TRPC6: variants seen among roughly 807,000 people sequenced by gnomAD.
TRPC6 encodes the protein short transient receptor potential channel 6.
TRPC6 carries 55 observed loss-of-function variants against 90.7 expected under a neutral mutation model. That is an observed-to-expected ratio of 0.61 (90% CI 0.49 to 0.76). TRPC6 has a LOEUF of 0.76. TRPC6 is among the 30% of genes least tolerant of loss of function. The pLI is 0.00. For synonymous variants in TRPC6, 393 were observed against 393.0 expected (o/e 1.00, Z 0.00); for missense variants, 989 against 1,122.7 (o/e 0.88, Z 1.70).
chr11:101,463,245 G>A (rs928662225), intron 10 of TRPC6, among the ~76,000 whole-genome samples: 31 of 152,102 alleles, frequency 2.0e-4, no homozygotes, highest in East Asian at 5.8e-4. Context: ...ATCAATGTTC[G>A]TCAGGGATAT....
At chr11:101,541,149 G>A (rs1861161636) in intron 1 of TRPC6, among the ~76,000 whole-genome samples, 1 of 152,088 alleles carries the variant, frequency 6.6e-6, no homozygotes. Context: ...TGAGGCTAAA[G>A]GATTCTTTAG....
chr11:101,532,210 A>G (rs1384650318), intron 1 of TRPC6, among the ~76,000 whole-genome samples: 1 of 152,220 alleles, frequency 6.6e-6, no homozygotes, highest in East Asian at 1.9e-4. Context: ...AAAGGTCCCT[A>G]AAATTATATA....
chr11:101,504,324 C>G lies in TRPC6; in HGVS notation c.645G>C (p.Arg215=), dbSNP rs746413471. ...TGATTGGAGTCACATCATGGGAGAA[C>G]CGTGTCCCATCTTCATCATAGGCAT... is the stretch of plus-strand genomic sequence containing the variant. ...DFYAYDEDGT[R]FSHDVTPIIL... The change falls in exon 2 of 13, where the codon CGG becomes CGC. Residue 215 remains arginine, a synonymous_variant. Transcript: ENST00000344327. The G allele has an allele frequency of 6.8e-6, 11 of 1,613,992 alleles. No homozygotes were observed. The highest frequency in any genetic ancestry group is 8.5e-7 in the Non-Finnish European group (1 of 1,179,916).
intron 1 of TRPC6, among the ~76,000 whole-genome samples, chr11:101,520,707 A>G (rs1045484407): frequency 2.0e-5 from 3 of 152,236 alleles, no homozygotes; most frequent in African/African-American, 7.2e-5. Context: ...AATGAAGTCC[A>G]GGCTAAGGTG....
chr11:101,575,599 C>T (rs375931726), intron 1 of TRPC6, among the ~76,000 whole-genome samples: 5 of 152,132 alleles, frequency 3.3e-5, no homozygotes, highest in East Asian at 1.9e-4. Context: ...ACACAGAAGT[C>T]GCTAATAAAT....
chr11:101,534,594 A>C (rs965497496), intron 1 of TRPC6, among the ~76,000 whole-genome samples: 1 of 151,876 alleles, frequency 6.6e-6, no homozygotes, highest in Non-Finnish European at 1.5e-5. Context: ...AAAAAAAAAA[A>C]CCCAGGTCAC....
intron 1 of TRPC6, among the ~76,000 whole-genome samples, chr11:101,568,844 A>G (rs1699786626): frequency 6.6e-6 from 1 of 152,348 alleles, no homozygotes; most frequent in African/African-American, 2.4e-5. Context: ...GGCCTGCCTT[A>G]TAAGAGCTCC....
At chr11:101,542,330 G>A (rs1460458722) in intron 1 of TRPC6, among the ~76,000 whole-genome samples, 2 of 152,102 alleles carry the variant, frequency 1.3e-5, no homozygotes, top group African/African-American at 4.8e-5. Context: ...ATGTACATTG[G>A]CCACTGTATT....
At chr11:101,537,921 A>G (rs1222703213) in intron 1 of TRPC6, among the ~76,000 whole-genome samples, 2 of 152,206 alleles carry the variant, frequency 1.3e-5, no homozygotes, top group Non-Finnish European at 2.9e-5. Context: ...TATTCCATGT[A>G]CCATCAATAT....
At chr11:101,545,985 G>T (rs61916054) in intron 1 of TRPC6, among the ~76,000 whole-genome samples, 34,790 of 148,742 alleles carry the variant, frequency 0.23, 5,209 homozygotes, top group Non-Finnish European at 0.33. Flanking sequence ...GAAGAAGAGA[G>T]AGTGAAGATA....
At chr11:101,514,252 A>G (rs1323951279) in intron 1 of TRPC6, among the ~76,000 whole-genome samples, 1 of 148,656 alleles carries the variant, frequency 6.7e-6, no homozygotes, top group Admixed American at 6.7e-5. Flanking sequence ...TTGGGGGTAC[A>G]GCCACAGAAA....
chr11:101,452,873 A>G lies in TRPC6; in HGVS notation c.*82T>C. 3.9e-6 allele frequency: 6 copies of G among 1,541,598 alleles called. No individual in the cohort carries two copies. Among genetic ancestry groups the G allele is most frequent in the Non-Finnish European group, 4.5e-6 (5 of 1,118,858 alleles). On this transcript the variant is annotated 3_prime_UTR_variant, in exon 13 of 13. Coordinates refer to ENST00000344327, the MANE Select transcript of TRPC6 (RefSeq NM_004621.6). Reference sequence around the variant, plus strand: ...GTTTTCTTGTTTAAAAGGTGGGCCCATTGGCACTTAAGAAAATAAATCAGA... The same window carrying G: ...GTTTTCTTGTTTAAAAGGTGGGCCCGTTGGCACTTAAGAAAATAAATCAGA...
intron 1 of TRPC6, among the ~76,000 whole-genome samples, chr11:101,533,128 G>A (rs1470881680): frequency 2.0e-5 from 3 of 152,166 alleles, no homozygotes; most frequent in Non-Finnish European, 4.4e-5. Context: ...GGTGATCAGG[G>A]TGAAAAAGAT....
At chr11:101,467,858 T>C (rs1859188232) in intron 10 of TRPC6, among the ~76,000 whole-genome samples, 1 of 152,236 alleles carries the variant, frequency 6.6e-6, no homozygotes, top group African/African-American at 2.4e-5. Context: ...TTGACCCCCA[T>C]ACACTAGCCT....
At chr11:101,489,135 C>T (rs1345011495) in intron 3 of TRPC6, 34 bp from the exon 4 acceptor site, 2 of 1,607,542 alleles carry the variant, frequency 1.2e-6, no homozygotes, top group Admixed American at 1.7e-5. Context: ...TTAAATTTGA[C>T]TAAAGAAAGG....
At chr11:101,472,736 A>G (rs1859321707) in intron 7 of TRPC6, among the ~76,000 whole-genome samples, 1 of 152,136 alleles carries the variant, frequency 6.6e-6, no homozygotes, top group Non-Finnish European at 1.5e-5. Flanking sequence ...AAAATACAAT[A>G]TAAACAGACA....
intron 10 of TRPC6, among the ~76,000 whole-genome samples, chr11:101,467,239 GATTTTTAACTGGACCCCTTCTTT>G (rs1165309692): frequency 1.3e-5 from 2 of 152,068 alleles, no homozygotes; most frequent in Non-Finnish European, 2.9e-5. Flanking sequence ...GCCCATTTAT[GATTTTTAACTGGACCCCTTCTTT>G]ATTTTTTGCA....
In TRPC6 at chr11:101,556,832, A is replaced by G. The variant is rs561147206; in HGVS notation, c.170+26502T>C. On this transcript the variant is annotated intron_variant, in intron 1 of 12. Coordinates refer to ENST00000344327, the MANE Select transcript of TRPC6 (RefSeq NM_004621.6). ...CAAAATATACAAGCAAACAAAATTC[A>G]ACAGCACATTAAAAAGATCATCCTC... Among the ~76,000 whole-genome samples the G allele has an allele frequency of 3.9e-5, 6 of 152,296 alleles. No individual in the cohort carries two copies. The South Asian group carries it at 1.2e-3, about 32-fold the overall frequency.
chr11:101,547,543 C>A (rs543917972), intron 1 of TRPC6, among the ~76,000 whole-genome samples: 1 of 152,292 alleles, frequency 6.6e-6, no homozygotes, highest in South Asian at 2.1e-4. Context: ...GCATTTAGCA[C>A]AAGCCCTATC....
Sources: gnomAD v4.1 joint callset for allele counts (sites outside exome capture counted in the v4.1 genomes callset) on GRCh38, gnomAD v4.1.1 for gene constraint, MANE v1.5 for transcripts, NCBI Gene and HGNC (gene_info 2026-07-23, HGNC 2026-07-21) for gene names.